Variants in NXN observed in about 807,000 individuals in gnomAD.
NXN encodes the protein nucleoredoxin 1.
In NXN, 16 loss-of-function variants were observed where a neutral mutation model predicts 48.6. The observed-to-expected ratio is 0.33, with a 90% CI of 0.22 to 0.50. The LOEUF (loss-of-function observed/expected upper bound fraction) is 0.50, where lower values mean the gene tolerates loss of function less well. Ranked by LOEUF, NXN falls within the 20% of genes least tolerant of loss-of-function variation. NXN has a pLI of 0.98. For missense variants in NXN, 492 were observed against 605.5 expected (o/e 0.81, Z 1.97); for synonymous variants, 281 against 269.6 (o/e 1.04, Z -0.41).
chr17:857,567 C>T (rs895379690), intron 1 of NXN, among the ~76,000 whole-genome samples: 1 of 152,118 alleles, frequency 6.6e-6, no homozygotes, highest in African/African-American at 2.4e-5. Context: ...GCCTAAACAC[C>T]AACTATTCTA....
At chr17:834,706 G>C (rs1186520459) in intron 1 of NXN, among the ~76,000 whole-genome samples, 2 of 151,798 alleles carry the variant, frequency 1.3e-5, no homozygotes, top group African/African-American at 4.8e-5. Context: ...TTTTAGTAGA[G>C]ATGGGGTTTC....
rs1287927253 is a variant in NXN at position 825,132 on chromosome 17, G to T, written c.478+829C>A. On this transcript the variant is annotated intron_variant, in intron 2 of 7. Transcript: ENST00000336868. This position sits in a 1 kb window ranked among gnomAD's most constrained non-coding sequence, Gnocchi z 4.1. Reference sequence around the variant, plus strand: ...AGTAGTCCCAGCTACACGGGAGGATGAGTTGAGCTCAGGAGGTCGAGGCTG... The same window carrying T: ...AGTAGTCCCAGCTACACGGGAGGATTAGTTGAGCTCAGGAGGTCGAGGCTG... Among the ~76,000 whole-genome samples, 1 of 151,736 alleles carries T rather than the reference G, an allele frequency of 6.6e-6. No individual in the cohort carries two copies. The highest frequency in any genetic ancestry group is 6.6e-5 in the Admixed American group (1 of 15,232).
chr17:812,088 T>G (rs7217124), intron 5 of NXN, among the ~76,000 whole-genome samples: 1 of 150,368 alleles, frequency 6.7e-6, no homozygotes, highest in East Asian at 1.9e-4. Context: ...TCACCACGCC[T>G]GGCTAATTTT....
At chr17:876,406 A>T (rs957652329) in intron 1 of NXN, among the ~76,000 whole-genome samples, 1 of 152,192 alleles carries the variant, frequency 6.6e-6, no homozygotes, top group Non-Finnish European at 1.5e-5. Context: ...CAAGGAAGTC[A>T]ACACAGGCTA....
intron 1 of NXN, among the ~76,000 whole-genome samples, chr17:842,998 GAGAAAGAGAGAAAGAAAGAA>G (rs1403581526): frequency 0.017 from 1,797 of 104,608 alleles, 14 homozygotes; most frequent in African/African-American, 0.032. Flanking sequence ...GAGAGAAAGA[GAGAAAGAGAGAAAGAAAGAA>G]AGAAAGAAAG....
chr17:831,443 G>A (rs767241498), intron 1 of NXN, among the ~76,000 whole-genome samples: 17 of 134,726 alleles, frequency 1.3e-4, no homozygotes, highest in Non-Finnish European at 2.0e-4. Context: ...ACTGAGGGCC[G>A]ACTTTATTTA....
intron 1 of NXN, among the ~76,000 whole-genome samples, chr17:881,245 G>T (rs1410237331): frequency 6.6e-6 from 1 of 152,168 alleles, no homozygotes; most frequent in Non-Finnish European, 1.5e-5. Context: ...GACATAAATG[G>T]TGCAAACACT....
intron 1 of NXN, chr17:905,338 GC>G (rs1191046798): frequency 6.6e-6 from 1 of 151,858 alleles, no homozygotes; most frequent in Non-Finnish European, 1.5e-5. Flanking sequence ...AATCCCTGGA[GC>G]CCAGGAGCTA....
At chr17:838,321 G>C (rs79003533) in intron 1 of NXN, among the ~76,000 whole-genome samples, 1 of 151,644 alleles carries the variant, frequency 6.6e-6, no homozygotes, top group Non-Finnish European at 1.5e-5. Context: ...TAGTTGAGAC[G>C]GGGTCTCACC....
intron 5 of NXN, among the ~76,000 whole-genome samples, chr17:812,219 G>A (rs547908687): frequency 6.6e-4 from 101 of 152,256 alleles, no homozygotes; most frequent in African/African-American, 2.2e-3. Flanking sequence ...GAGCCACTGC[G>A]CGTGGCCTGG....
intron 1 of NXN, among the ~76,000 whole-genome samples, chr17:843,251 G>A (rs941327215): frequency 2.6e-5 from 4 of 152,210 alleles, no homozygotes; most frequent in African/African-American, 4.8e-5. Flanking sequence ...CCGGTTCCCC[G>A]ACACAGGGAA....
chr17:802,696 C>T (rs2144558495), intron 7 of NXN, among the ~76,000 whole-genome samples: 1 of 152,312 alleles, frequency 6.6e-6, no homozygotes, highest in South Asian at 2.1e-4. Flanking sequence ...CTTTGCTCCC[C>T]TCCACCCCCG....
Position 857,903 on chromosome 17 carries a change from T to C in NXN, c.361-31825A>G, listed in dbSNP as rs115233699. On this transcript the variant is annotated intron_variant, in intron 1 of 7. Coordinates refer to ENST00000336868, the MANE Select transcript of NXN (RefSeq NM_022463.5). ...TTACTTTAAGAGAAGAGTCTTGCTT[T>C]GATGTCAATAAATTACTAACGTTTC... Among the ~76,000 whole-genome samples, 793 of 152,304 alleles carry C rather than the reference T, an allele frequency of 5.2e-3. 10 individuals carry two copies. The highest frequency in any genetic ancestry group is 0.018 in the African/African-American group (752 of 41,570).
chr17:970,015 C>T (rs973167229), intron 1 of NXN, among the ~76,000 whole-genome samples: 6 of 152,108 alleles, frequency 3.9e-5, no homozygotes, highest in Non-Finnish European at 7.4e-5. Context: ...CAGAAGGAAG[C>T]GACGAAGTGA....
chr17:856,875 T>C (rs139465996), intron 1 of NXN, among the ~76,000 whole-genome samples: 1 of 152,266 alleles, frequency 6.6e-6, no homozygotes, highest in Non-Finnish European at 1.5e-5. Flanking sequence ...CTCTTTTCTT[T>C]CTGAGCCCTC....
intron 5 of NXN, 105 bp downstream of exon 5, chr17:819,334 A>G (rs1912676380): frequency 3.8e-6 from 3 of 793,170 alleles, no homozygotes; most frequent in Non-Finnish European, 6.6e-6. Flanking sequence ...ATGAATATTC[A>G]TGGAAATAAT....
In NXN at chr17:925,998, A is replaced by G. The variant is rs151048838; in HGVS notation, c.360+53321T>C. Among the ~76,000 whole-genome samples the G allele has an allele frequency of 6.6e-3, 999 of 152,326 alleles. 7 individuals are homozygous for G. Among genetic ancestry groups the G allele is most frequent in the Non-Finnish European group, 0.011 (736 of 68,020 alleles). On this transcript the variant is annotated intron_variant, in intron 1 of 7. Coordinates refer to ENST00000336868, the MANE Select transcript of NXN (RefSeq NM_022463.5). ...AATAGTAGCAGCTGATTCTCGTTGC[A>G]AAAGAGCCATTTTTCACAAAGAAAG...
chr17:853,016 C>T (rs1404789620), intron 1 of NXN, among the ~76,000 whole-genome samples: 1 of 151,612 alleles, frequency 6.6e-6, no homozygotes, highest in Admixed American at 6.6e-5. Context: ...CTCACTTTAT[C>T]ACCCAGGCTG....
chr17:901,844 C>T (rs983769220), intron 1 of NXN, among the ~76,000 whole-genome samples: 1 of 152,150 alleles, frequency 6.6e-6, no homozygotes, highest in Non-Finnish European at 1.5e-5. Flanking sequence ...GGATTACAGG[C>T]ACCCACCATC....
Sources: allele counts gnomAD v4.1 joint callset (sites outside exome capture counted in the v4.1 genomes callset), GRCh38; gene constraint gnomAD v4.1.1; non-coding constraint Gnocchi (gnomAD v3.1); transcripts MANE v1.5; gene names NCBI Gene and HGNC (gene_info 2026-07-23, HGNC 2026-07-21).